Variants in ASAP2 observed in about 807,000 individuals in gnomAD.
ASAP2 encodes arf-GAP with SH3 domain, ANK repeat and PH domain-containing protein 2.
A neutral mutation model predicts 131.4 loss-of-function variants in ASAP2; 45 were observed. The ratio of observed to expected loss-of-function variants is 0.34; its 90% CI spans 0.27 to 0.44. The LOEUF is 0.44. Ranked by LOEUF, ASAP2 falls within the 20% of genes least tolerant of loss-of-function variation. The probability of loss-of-function intolerance (pLI) is 1.00; values close to 1 mark genes in which losing one functional copy is unlikely to be tolerated. For missense variants in ASAP2, 1,011 were observed against 1,297.0 expected (o/e 0.78, Z 3.39); for synonymous variants, 510 against 503.0 (o/e 1.01, Z -0.19).
intron 2 of ASAP2, 111 bp downstream of exon 2, chr2:9,279,500 CG>C: frequency 1.0e-6 from 1 of 972,110 alleles, no homozygotes; most frequent in Non-Finnish European, 1.6e-6. Flanking sequence ...ACTCCTTTAT[CG>C]GGGCATGCAG....
At chr2:9,318,389 G>A in intron 3 of ASAP2, 135 bp from the exon 4 acceptor site, 1 of 657,116 alleles carries the variant, frequency 1.5e-6, no homozygotes, top group Non-Finnish European at 2.7e-6. Context: ...GACTGAATAA[G>A]GCACAGTACA....
At chr2:9,328,366 A>G (rs73148721) in intron 7 of ASAP2, among the ~76,000 whole-genome samples, 3,097 of 152,352 alleles carry the variant, frequency 0.02, 111 homozygotes, top group African/African-American at 0.071. Context: ...TTAATTAAAA[A>G]TAAAAGCATA....
At chr2:9,354,120 C>T (rs1051222776) in intron 12 of ASAP2, among the ~76,000 whole-genome samples, 8 of 152,188 alleles carry the variant, frequency 5.3e-5, no homozygotes, top group Non-Finnish European at 1.0e-4. Flanking sequence ...AGCCATTATC[C>T]GCGAACCCCA....
At chr2:9,242,610 A>G (rs1356722227) in intron 1 of ASAP2, among the ~76,000 whole-genome samples, 1 of 152,154 alleles carries the variant, frequency 6.6e-6, no homozygotes, top group Non-Finnish European at 1.5e-5. Context: ...TGGGGCTGAT[A>G]GCTGGTCGCG....
chr2:9,367,326 C>G (rs1418173870), intron 15 of ASAP2, among the ~76,000 whole-genome samples: 1 of 152,078 alleles, frequency 6.6e-6, no homozygotes, highest in Admixed American at 6.5e-5. Flanking sequence ...AGCCACCATG[C>G]CTGGCCTGCC....
intron 15 of ASAP2, among the ~76,000 whole-genome samples, chr2:9,361,375 C>T (rs1673065236): frequency 6.6e-6 from 1 of 152,132 alleles, no homozygotes; most frequent in Non-Finnish European, 1.5e-5. Context: ...CACGGCTCCC[C>T]CAATCCATTT....
At chr2:9,316,510 C>A (rs1183877296) in intron 3 of ASAP2, among the ~76,000 whole-genome samples, 1 of 152,032 alleles carries the variant, frequency 6.6e-6, no homozygotes, top group African/African-American at 2.4e-5. Context: ...ATCTAGAAGC[C>A]CAGAGTGTCA....
At chr2:9,259,668 C>T (rs1233364263) in intron 1 of ASAP2, among the ~76,000 whole-genome samples, 3 of 152,236 alleles carry the variant, frequency 2.0e-5, no homozygotes, top group African/African-American at 2.4e-5. Context: ...GAGGCTGGAC[C>T]GCTGTTGGGA....
At chr2:9,370,317 G>A (rs549462608) in intron 16 of ASAP2, among the ~76,000 whole-genome samples, 2 of 152,294 alleles carry the variant, frequency 1.3e-5, no homozygotes, top group African/African-American at 4.8e-5. Flanking sequence ...TCAGGTGAGC[G>A]ATTTAGTTGT....
intron 2 of ASAP2, among the ~76,000 whole-genome samples, chr2:9,286,403 C>T (rs2148342777): frequency 7.5e-6 from 1 of 133,442 alleles, no homozygotes; most frequent in Admixed American, 7.4e-5. Context: ...GTCTCCAAAA[C>T]AGAAAAAAAG....
intron 1 of ASAP2, among the ~76,000 whole-genome samples, chr2:9,254,236 A>AAAAAAATATAG (rs1553297024): frequency 2.1e-5 from 1 of 47,110 alleles, no homozygotes; most frequent in Non-Finnish European, 3.4e-5. Context: ...AAAAAAAAAA[A>AAAAAAATATAG]ATATATATAT....
chr2:9,350,357 A>G (rs1346258240), intron 11 of ASAP2: 1 of 153,450 alleles, frequency 6.5e-6, no homozygotes, highest in Non-Finnish European at 1.5e-5. Context: ...GTACTGTGAA[A>G]TTACCTTCAC....
At chr2:9,296,721 G>A (rs1012831840) in intron 2 of ASAP2, among the ~76,000 whole-genome samples, 4 of 152,234 alleles carry the variant, frequency 2.6e-5, no homozygotes, top group African/African-American at 7.2e-5. Context: ...TACCCAGGGT[G>A]TAGGGCAGAG....
At chr2:9,398,831 C>T (rs1373926159) in intron 24 of ASAP2, 3 of 150,156 alleles carry the variant, frequency 2.0e-5, no homozygotes, top group Non-Finnish European at 4.4e-5. Context: ...AAAAAATTCA[C>T]AAAGCCTAAA....
At chr2:9,397,188 G>T (rs146515642) in intron 24 of ASAP2, among the ~76,000 whole-genome samples, 1 of 152,060 alleles carries the variant, frequency 6.6e-6, no homozygotes, top group African/African-American at 2.4e-5. Flanking sequence ...TGGGATTTAC[G>T]CTTTCCATGC....
At position 9,273,005 on chromosome 2, in the gene ASAP2, GCTTA is replaced by G. The variant is rs572196254; in HGVS notation, c.127-6311_127-6308del. 6.6e-5 allele frequency among the ~76,000 whole-genome samples: 10 copies of G among 152,146 alleles called. No individual in the cohort carries two copies. The East Asian group carries it at 1.9e-3, about 29-fold the overall frequency. ...TGGTTCCTCCAGTTTTGTTCTTTTT[GCTTA>G]GAATAGCTTTGGCTATTCTGGGTCT... On this transcript the variant is annotated intron_variant, in intron 1 of 27. Coordinates refer to ENST00000281419, the MANE Select transcript of ASAP2 (RefSeq NM_003887.3).
chr2:9,266,091 C>G (rs969708877), intron 1 of ASAP2, among the ~76,000 whole-genome samples: 10 of 151,468 alleles, frequency 6.6e-5, no homozygotes, highest in Non-Finnish European at 1.0e-4. Flanking sequence ...AGCCCATAAG[C>G]TTGTAATTTT....
At chr2:9,292,351 C>T (rs985228760) in intron 2 of ASAP2, among the ~76,000 whole-genome samples, 1 of 152,046 alleles carries the variant, frequency 6.6e-6, no homozygotes, top group African/African-American at 2.4e-5. Flanking sequence ...AACCCCATCT[C>T]TACTAAAAAT....
chr2:9,270,810 T>TTTTTTTTTTTTTTTTTTA (rs1666314848), intron 1 of ASAP2, among the ~76,000 whole-genome samples: 1 of 108,114 alleles, frequency 9.2e-6, no homozygotes, highest in Admixed American at 9.9e-5. Flanking sequence ...TTTTTTTTTT[T>TTTTTTTTTTTTTTTTTTA]GAGACGGAGT....
Sources: gnomAD v4.1 joint callset for allele counts (sites outside exome capture counted in the v4.1 genomes callset) on GRCh38, gnomAD v4.1.1 for gene constraint, MANE v1.5 for transcripts, NCBI Gene and HGNC (gene_info 2026-07-23, HGNC 2026-07-21) for gene names.